The following KCNN2 variants were observed in gnomAD, a reference collection of about 807,000 sequenced individuals.
KCNN2 encodes the protein potassium calcium-activated channel subfamily N member 2, also known as small conductance calcium-activated potassium channel protein 2.
KCNN2 carries 24 observed loss-of-function variants against 55.5 expected under a neutral mutation model. The ratio of observed to expected loss-of-function variants is 0.43; its 90% CI spans 0.31 to 0.61. The LOEUF (loss-of-function observed/expected upper bound fraction) is 0.61, where lower values mean the gene tolerates loss of function less well. Ranked by LOEUF, KCNN2 falls within the 20% of genes least tolerant of loss-of-function variation. The probability of loss-of-function intolerance (pLI) is 0.08; values close to 1 mark genes in which losing one functional copy is unlikely to be tolerated. For synonymous variants in KCNN2, 431 were observed against 336.1 expected, an observed-to-expected ratio of 1.28 and a Z score of -3.09; for missense variants, 754 against 853.6, an observed-to-expected ratio of 0.88 and a Z score of 1.45.
intron 1 of KCNN2, among the ~76,000 whole-genome samples, chr5:114,159,612 A>G (rs371953988): frequency 2.6e-5 from 4 of 152,138 alleles, no homozygotes; most frequent in South Asian, 2.1e-4. Flanking sequence ...GGTAGAATTC[A>G]GCTGTGAGTC....
Position 114,362,745 on chromosome 5 carries a change from C to T in KCNN2, c.606C>T (p.Arg202=), listed in dbSNP as rs1332509870. Residue 202 remains arginine, a synonymous_variant, in exon 1 of 8, where the codon CGC becomes CGT. Coordinates refer to ENST00000673685, the MANE Select transcript of KCNN2 (RefSeq NM_021614.4). ...AHHQHHQPQA[R]RESNPFTEIA... is the part of the protein sequence containing the mutation. ...ACCAGCACCACCAGCCCCAGGCGCG[C>T]CGCGAGAGCAACCCCTTCACCGAAA... 2 of 1,543,062 alleles carry T rather than the reference C, an allele frequency of 1.3e-6. No homozygotes were observed. Among genetic ancestry groups the T allele is most frequent in the African/African-American group, 2.7e-5 (2 of 73,458 alleles).
upstream of KCNN2, among the ~76,000 whole-genome samples, chr5:114,359,974 C>G (rs995462745): frequency 6.6e-6 from 1 of 152,176 alleles, no homozygotes; most frequent in Non-Finnish European, 1.5e-5. Flanking sequence ...GCCCCGAAGA[C>G]TCAATTAGCT....
chr5:114,385,931 C>T (rs1052585459), intron 2 of KCNN2, among the ~76,000 whole-genome samples: 1 of 151,564 alleles, frequency 6.6e-6, no homozygotes. Context: ...GTAATCCCAA[C>T]ACTTTGGGAG....
At chr5:114,493,662 C>G (rs1467468739) in intron 7 of KCNN2, among the ~76,000 whole-genome samples, 190 bp downstream of exon 7, 1 of 152,156 alleles carries the variant, frequency 6.6e-6, no homozygotes, top group Non-Finnish European at 1.5e-5. Flanking sequence ...TACTCTTTCC[C>G]TATTACGTTA....
chr5:114,422,109 A>G (rs999905376), intron 3 of KCNN2, among the ~76,000 whole-genome samples: 8 of 152,236 alleles, frequency 5.3e-5, no homozygotes, highest in African/African-American at 1.9e-4. Flanking sequence ...TGCTAGGCAC[A>G]AAGAGAGAAT....
At chr5:114,457,980 C>T (rs1761007482) in intron 3 of KCNN2, among the ~76,000 whole-genome samples, 2 of 152,182 alleles carry the variant, frequency 1.3e-5, no homozygotes, top group South Asian at 4.1e-4. Flanking sequence ...TTCTCTGTTG[C>T]TCCATCTTGG....
intron 2 of KCNN2, among the ~76,000 whole-genome samples, chr5:114,223,901 G>T (rs1216589909): frequency 6.6e-6 from 1 of 152,154 alleles, no homozygotes; most frequent in East Asian, 1.9e-4. Context: ...CCTGGGGCCT[G>T]TGAGGGGGCA....
intron 6 of KCNN2, among the ~76,000 whole-genome samples, chr5:114,491,436 T>C (rs1747847741): frequency 6.6e-6 from 1 of 151,324 alleles, no homozygotes; most frequent in Admixed American, 6.6e-5. Context: ...CAATTGATAG[T>C]TGAAACACCG....
intron 3 of KCNN2, among the ~76,000 whole-genome samples, chr5:114,437,433 ATCTAGT>A (rs1460179970): frequency 6.6e-6 from 1 of 152,148 alleles, no homozygotes; most frequent in African/African-American, 2.4e-5. Context: ...TGGCTTTGTA[ATCTAGT>A]AGGGGAAAAA....
intron 2 of KCNN2, among the ~76,000 whole-genome samples, chr5:114,228,847 G>A (rs1464063535): frequency 6.6e-6 from 1 of 151,882 alleles, no homozygotes; most frequent in Admixed American, 6.6e-5. Flanking sequence ...CATAAAATTT[G>A]TCATTTATAT....
At chr5:114,422,363 T>G (rs1004465489) in intron 3 of KCNN2, among the ~76,000 whole-genome samples, 4 of 152,276 alleles carry the variant, frequency 2.6e-5, no homozygotes, top group Admixed American at 1.3e-4. Context: ...GAGAGCTCCC[T>G]AGCCCCTTGC....
intron 2 of KCNN2, among the ~76,000 whole-genome samples, chr5:114,240,427 CTTTTTTTT>C (rs201223682): frequency 0.035 from 4,546 of 130,406 alleles, 205 homozygotes; most frequent in African/African-American, 0.11. Context: ...TTTTCTTTCT[CTTTTTTTT>C]TTTTTTTTTT....
At chr5:114,256,433 T>C (rs1754984982) in intron 2 of KCNN2, among the ~76,000 whole-genome samples, 1 of 152,194 alleles carries the variant, frequency 6.6e-6, no homozygotes, top group Non-Finnish European at 1.5e-5. Context: ...GCTCTATTTT[T>C]AGTTCTTTGA....
Position 114,486,880 on chromosome 5 carries a change from C to A in KCNN2, c.1891-170C>A, listed in dbSNP as rs73247829. On this transcript the variant is annotated intron_variant, in intron 5 of 7. Transcript: ENST00000673685. ...TTTAAGTGTTGTTCCCAGGCAGGTA[C>A]AAGTACTTCTAAAAAGGCATAGATT... is the stretch of plus-strand genomic sequence containing the variant. 3,387 of 1,130,324 alleles carry A rather than the reference C, an allele frequency of 3.0e-3. 85 individuals carry two copies. In the African/African-American group the frequency reaches 0.047, roughly 16 times the overall value. 70.0% of individuals were successfully genotyped at this position (1,130,324 alleles called of 1,614,324 possible).
chr5:114,078,471 G>A (rs1750729780), intron 1 of KCNN2, among the ~76,000 whole-genome samples: 1 of 152,106 alleles, frequency 6.6e-6, no homozygotes, highest in African/African-American at 2.4e-5. Flanking sequence ...ATATCAGAAG[G>A]GAAGGTACCA....
intron 1 of KCNN2, among the ~76,000 whole-genome samples, chr5:114,105,975 G>A (rs1386758099): frequency 1.3e-5 from 2 of 151,900 alleles, no homozygotes; most frequent in East Asian, 1.9e-4. Context: ...TAGTCATAGT[G>A]TATTTATTCA....
intron 1 of KCNN2, among the ~76,000 whole-genome samples, chr5:114,189,560 A>G (rs1278398242): frequency 6.6e-6 from 1 of 152,212 alleles, no homozygotes; most frequent in African/African-American, 2.4e-5. Flanking sequence ...TGTCCAATCA[A>G]ATTAACACAT....
intron 1 of KCNN2, among the ~76,000 whole-genome samples, chr5:114,166,815 G>A (rs538608576): frequency 1.6e-3 from 241 of 152,212 alleles, no homozygotes; most frequent in African/African-American, 5.7e-3. Flanking sequence ...ATTAGATCAT[G>A]AAGGTGGAAC....
At chr5:114,416,694 A>G (rs979517147) in intron 3 of KCNN2, among the ~76,000 whole-genome samples, 4 of 152,174 alleles carry the variant, frequency 2.6e-5, no homozygotes, top group African/African-American at 9.7e-5. Context: ...TCTGTGTCAT[A>G]TAAAATATAC....
Sources: gnomAD v4.1 joint callset for allele counts (sites outside exome capture counted in the v4.1 genomes callset) on GRCh38, gnomAD v4.1.1 for gene constraint, MANE v1.5 for transcripts, NCBI Gene and HGNC (gene_info 2026-07-23, HGNC 2026-07-21) for gene names.